The following GPHN variants were observed in gnomAD, a reference collection of about 807,000 sequenced individuals.
GPHN encodes the protein gephyrin.
Under a neutral mutation model 95.5 loss-of-function variants are expected in GPHN, and 17 were observed. The ratio of observed to expected loss-of-function variants is 0.18; its 90% CI spans 0.12 to 0.27. The LOEUF is 0.27. GPHN is among the 10% of genes least tolerant of loss of function. The pLI, the probability that GPHN is intolerant of heterozygous loss-of-function variation, is 1.00. For missense variants in GPHN, 660 were observed against 978.1 expected, an observed-to-expected ratio of 0.67 and a Z score of 4.34; for synonymous variants, 320 against 322.5, an observed-to-expected ratio of 0.99 and a Z score of 0.08.
At position 67,101,294 on chromosome 14, in the gene GPHN, T is replaced by A. The variant is rs149286959; in HGVS notation, c.1293+383T>A. Among the ~76,000 whole-genome samples, 452 of 152,160 alleles carry A rather than the reference T, an allele frequency of 3.0e-3. 3 individuals carry two copies. The highest frequency in any genetic ancestry group is 0.01 in the African/African-American group (434 of 41,530). On this transcript the variant is annotated intron_variant, in intron 13 of 22. Coordinates refer to ENST00000478722, the MANE Select transcript of GPHN (RefSeq NM_020806.5). ...AAACTTAGAAGTAGATTATTTAAAC[T>A]TTTTAGCTAATTATTTAATTTAATT...
At chr14:67,674,731 C>G in the GPHN span, 3 of 399,636 alleles carry the variant, frequency 7.5e-6, no homozygotes, top group Non-Finnish European at 1.3e-5. Context: ...ACTGCGCGGC[C>G]TAGGCGACTC....
intron 21 of GPHN, among the ~76,000 whole-genome samples, chr14:67,170,518 C>T (rs115613716): frequency 1.5e-3 from 228 of 152,320 alleles, no homozygotes; most frequent in African/African-American, 5.2e-3. Context: ...AATTCTTTCA[C>T]TTATTTCTCA....
the GPHN span, chr14:67,301,383 T>C: frequency 6.3e-7 from 1 of 1,597,070 alleles, no homozygotes. Flanking sequence ...TATTTTTGTT[T>C]CTTAGGTACA....
At chr14:67,217,161 C>G in the GPHN span, among the ~76,000 whole-genome samples, 696 of 145,370 alleles carry the variant, frequency 4.8e-3, 3 homozygotes, top group African/African-American at 0.018. Flanking sequence ...GAATGACTTT[C>G]TTCATCTTTT....
At chr14:67,725,390 G>C in the GPHN span, 2 of 913,818 alleles carry the variant, frequency 2.2e-6, no homozygotes, top group Non-Finnish European at 3.5e-6. Flanking sequence ...GAACCAGCAG[G>C]ACAGGGAATT....
the GPHN span, among the ~76,000 whole-genome samples, chr14:67,268,302 G>A: frequency 1.6e-3 from 237 of 152,308 alleles, no homozygotes; most frequent in African/African-American, 5.5e-3. Context: ...GCATTGTTGA[G>A]ATAGAACTCT....
intron 8 of GPHN, among the ~76,000 whole-genome samples, chr14:66,959,613 G>A (rs1418500955): frequency 6.6e-6 from 1 of 152,012 alleles, no homozygotes; most frequent in Non-Finnish European, 1.5e-5. Flanking sequence ...GACTGTCATG[G>A]TTTCTTTTGA....
At chr14:67,139,633 C>A (rs1209117529) in intron 17 of GPHN, among the ~76,000 whole-genome samples, 1 of 152,110 alleles carries the variant, frequency 6.6e-6, no homozygotes. Flanking sequence ...CATAGTAATA[C>A]CTTTTCAGTC....
chr14:67,182,509 G>A (rs1259963293), downstream of GPHN, among the ~76,000 whole-genome samples: 4 of 152,032 alleles, frequency 2.6e-5, no homozygotes, highest in South Asian at 8.3e-4. Context: ...ATTTACAGTT[G>A]AAGAAGATAA....
chr14:67,658,136 A>G, the GPHN span, among the ~76,000 whole-genome samples: 1 of 152,192 alleles, frequency 6.6e-6, no homozygotes. Context: ...CAGTTAGGTT[A>G]GCGCAAAGGA....
chr14:67,002,081 T>C (rs2072270014), intron 9 of GPHN, among the ~76,000 whole-genome samples: 1 of 151,570 alleles, frequency 6.6e-6, no homozygotes, highest in South Asian at 2.1e-4. Flanking sequence ...CAGGAAGTAA[T>C]ATGTGTAGCT....
chr14:67,553,861 C>T, the GPHN span, among the ~76,000 whole-genome samples: 1 of 152,286 alleles, frequency 6.6e-6, no homozygotes, highest in South Asian at 2.1e-4. Flanking sequence ...CAGAACCAAC[C>T]CACCCACTCA....
chr14:67,595,076 G>A, the GPHN span, among the ~76,000 whole-genome samples: 1 of 152,114 alleles, frequency 6.6e-6, no homozygotes, highest in Non-Finnish European at 1.5e-5. Context: ...GGTGGAGCTT[G>A]CAGTGAGCCG....
At chr14:66,693,580 G>T (rs915392477) in intron 2 of GPHN, among the ~76,000 whole-genome samples, 3 of 152,096 alleles carry the variant, frequency 2.0e-5, no homozygotes, top group African/African-American at 7.2e-5. Flanking sequence ...TTATATCCCA[G>T]CTCCAGAAGA....
chr14:66,858,022 G>C (rs1191684809), intron 4 of GPHN, among the ~76,000 whole-genome samples: 1 of 152,206 alleles, frequency 6.6e-6, no homozygotes, highest in Non-Finnish European at 1.5e-5. Context: ...TGGAAAGTGA[G>C]TTTTGGCAAG....
chr14:67,225,386 T>A, the GPHN span: 1 of 591,604 alleles, frequency 1.7e-6, no homozygotes, highest in Non-Finnish European at 2.6e-6. Context: ...AGTAACAATA[T>A]AAGTGGAATG....
the GPHN span, among the ~76,000 whole-genome samples, chr14:67,256,954 C>T: frequency 3.9e-5 from 6 of 152,260 alleles, no homozygotes; most frequent in South Asian, 4.1e-4. Context: ...GCTAAGGACG[C>T]GGCTGTGACA....
the GPHN span, among the ~76,000 whole-genome samples, chr14:67,675,912 AT>A: frequency 6.6e-6 from 1 of 152,084 alleles, no homozygotes; most frequent in African/African-American, 2.4e-5. Flanking sequence ...CCTGGCCAAC[AT>A]GGTGAAACCC....
At chr14:67,662,047 T>C in the GPHN span, among the ~76,000 whole-genome samples, 2 of 151,730 alleles carry the variant, frequency 1.3e-5, no homozygotes, top group Non-Finnish European at 2.9e-5. Flanking sequence ...TCCCAGCTAC[T>C]TGGGAGGCTG....
Sources: allele counts gnomAD v4.1 joint callset (sites outside exome capture counted in the v4.1 genomes callset), GRCh38; gene constraint gnomAD v4.1.1; transcripts MANE v1.5; gene names NCBI Gene and HGNC (gene_info 2026-07-23, HGNC 2026-07-21).